RUNX1: variants seen among roughly 807,000 people sequenced by gnomAD.
RUNX1 encodes RUNX family transcription factor 1, also known as runt-related transcription factor 1.
Under a neutral mutation model 42.8 loss-of-function variants are expected in RUNX1, and 19 were observed. The ratio of observed to expected loss-of-function variants is 0.44; its 90% CI spans 0.31 to 0.65. The LOEUF (loss-of-function observed/expected upper bound fraction) is 0.65. RUNX1 is among the 30% of genes least tolerant of loss of function. The pLI, the probability that RUNX1 is intolerant of heterozygous loss-of-function variation, is 0.07. For missense variants in RUNX1, 528 were observed against 672.0 expected (o/e 0.79, Z 2.37); for synonymous variants, 271 against 289.4 (o/e 0.94, Z 0.64).
chr21:34,792,166 C>G lies in RUNX1; in HGVS notation c.1412G>C (p.Arg471Pro). The G allele has an allele frequency of 6.6e-7, 1 of 1,519,560 alleles. No individual in the cohort carries two copies. Among genetic ancestry groups the G allele is most frequent in the Non-Finnish European group, 8.8e-7 (1 of 1,140,622 alleles). The allele number at this position is 1,519,560 out of a possible 1,614,324, so 94.1% of individuals were successfully genotyped here. ...GGGCCTCCACACGGCCTCCTCCAGG[C>G]GCGCGGAGGGCGCCATGTTGGTGGG... is the stretch of plus-strand genomic sequence containing the variant. The part of the protein sequence containing the change: ...NSPTNMAPSA[R>P]LEEAVWRPY Residue 471 changes from arginine to proline, a missense_variant, in exon 9 of 9, where the codon CGC becomes CCC. Around this residue, in one of 3 missense-constraint regions of RUNX1, gnomAD observed 331 missense variants for 382.5 expected, o/e 0.87. Transcript: ENST00000675419. The surrounding 1 kb of genome is among the most constrained non-coding windows in gnomAD (Gnocchi z 6.9).
At position 34,805,899 on chromosome 21, in the gene RUNX1, AGTG is replaced by A. The variant is rs1311505487; in HGVS notation, c.806-6440_806-6438del. 2.6e-5 allele frequency among the ~76,000 whole-genome samples: 4 copies of A among 152,216 alleles called. No individual in the cohort carries two copies. The East Asian group carries it at 7.7e-4, about 29-fold the overall frequency. Reference sequence around the variant, plus strand: ...GTAATGATATAAACAGGAAGGAAGAAGTGGTAGTTATTTGATGCTAGATGTAGA... The same window carrying A: ...GTAATGATATAAACAGGAAGGAAGAAGTAGTTATTTGATGCTAGATGTAGA... On this transcript the variant is annotated intron_variant, in intron 7 of 8. Coordinates refer to ENST00000675419, the MANE Select transcript of RUNX1 (RefSeq NM_001754.5).
intron 5 of RUNX1, among the ~76,000 whole-genome samples, chr21:34,872,408 T>C (rs899563587): frequency 1.3e-5 from 2 of 152,180 alleles, no homozygotes; most frequent in Non-Finnish European, 2.9e-5. Flanking sequence ...CCACTGCACA[T>C]CCCTGACCCA....
intron 5 of RUNX1, among the ~76,000 whole-genome samples, chr21:34,878,346 A>G (rs2057845778): frequency 1.1e-5 from 1 of 94,182 alleles, no homozygotes; most frequent in Non-Finnish European, 2.0e-5. Context: ...GCGCTGACTA[A>G]AAAAAAAAAA....
At chr21:34,856,245 T>C (rs989910174) in intron 6 of RUNX1, 5 of 444,388 alleles carry the variant, frequency 1.1e-5, no homozygotes, top group African/African-American at 1.0e-4. Context: ...GAATGGCAGT[T>C]TGTCCCTCCA....
intron 5 of RUNX1, among the ~76,000 whole-genome samples, chr21:34,875,188 T>C (rs577077506): frequency 8.0e-4 from 122 of 152,396 alleles, no homozygotes; most frequent in African/African-American, 2.8e-3. Context: ...CTTTTCCTGC[T>C]GGTCCTTGCC....
intron 6 of RUNX1, among the ~76,000 whole-genome samples, chr21:34,849,010 C>T (rs1226265441): frequency 6.6e-6 from 1 of 151,124 alleles, no homozygotes; most frequent in Non-Finnish European, 1.5e-5. Flanking sequence ...AAAACAAATA[C>T]AAAATCAAAC....
intron 6 of RUNX1, among the ~76,000 whole-genome samples, chr21:34,852,966 G>A (rs2057443696): frequency 6.6e-6 from 1 of 152,202 alleles, no homozygotes; most frequent in Admixed American, 6.5e-5. Flanking sequence ...AGCAAAGAGT[G>A]ACACATCTTT....
intron 7 of RUNX1, chr21:34,834,043 G>C (rs936580751): frequency 1.2e-5 from 5 of 427,684 alleles, no homozygotes; most frequent in Non-Finnish European, 1.8e-5. Flanking sequence ...GTGTCTGCGT[G>C]TGTGTCTTCA....
chr21:34,827,987 TG>T lies in RUNX1; in HGVS notation c.805+6422del, dbSNP rs201551907. On this transcript the variant is annotated intron_variant, in intron 7 of 8. Coordinates refer to ENST00000675419, the MANE Select transcript of RUNX1 (RefSeq NM_001754.5). ...TGCCACAAAGAGTCCCCACTAAGGCTGTGCCTAATGGAGACACAGAATTGGG... is the reference window on the plus strand; with the variant it reads ...TGCCACAAAGAGTCCCCACTAAGGCTTGCCTAATGGAGACACAGAATTGGG... Among the ~76,000 whole-genome samples the T allele has an allele frequency of 1.4e-4, 21 of 152,374 alleles. No homozygotes were observed. The East Asian group carries it at 3.9e-3, about 28-fold the overall frequency.
intron 3 of RUNX1, chr21:34,887,592 T>C (rs763365303): frequency 7.3e-4 from 800 of 1,101,672 alleles, no homozygotes; most frequent in South Asian, 9.2e-4. Context: ...CAGAACACAA[T>C]TATCTCCCGT....
At chr21:34,896,745 G>A (rs945435927) in intron 2 of RUNX1, among the ~76,000 whole-genome samples, 4 of 152,054 alleles carry the variant, frequency 2.6e-5, no homozygotes, top group African/African-American at 9.7e-5. Context: ...TGGCCCAAAG[G>A]CCACAAAGGG....
At chr21:34,896,819 T>C (rs1393775146) in intron 2 of RUNX1, among the ~76,000 whole-genome samples, 1 of 152,100 alleles carries the variant, frequency 6.6e-6, no homozygotes, top group Admixed American at 6.5e-5. Context: ...GAGAGTGCCA[T>C]GTAACCTTTG....
intron 2 of RUNX1, among the ~76,000 whole-genome samples, chr21:34,971,411 A>G (rs1178811803): frequency 6.6e-6 from 1 of 152,170 alleles, no homozygotes; most frequent in African/African-American, 2.4e-5. Flanking sequence ...TAATCACTCT[A>G]AAGAATGATA....
At chr21:34,889,144 T>A (rs2058043504) in intron 3 of RUNX1, among the ~76,000 whole-genome samples, 1 of 770 alleles carries the variant, frequency 1.3e-3, no homozygotes, top group Admixed American at 0.013. Context: ...GCCACGAGGC[T>A]CCCGAACCGG....
intron 2 of RUNX1, among the ~76,000 whole-genome samples, chr21:34,926,736 A>G (rs995312687): frequency 2.0e-5 from 3 of 152,112 alleles, no homozygotes; most frequent in Non-Finnish European, 4.4e-5. Context: ...ACATAATGCA[A>G]TAAGAACTGA....
At position 34,789,075 on chromosome 21, in the gene RUNX1, A is replaced by G. The variant is rs76478380; in HGVS notation, c.*3060T>C. Reference sequence around the variant, plus strand: ...ACTCACTGATTGTGATTTGCCCAGGAAAGTTTGCTGGTTTGGACAGCAAGC... The same window carrying G: ...ACTCACTGATTGTGATTTGCCCAGGGAAGTTTGCTGGTTTGGACAGCAAGC... On this transcript the variant is annotated 3_prime_UTR_variant, in exon 9 of 9. Coordinates refer to ENST00000675419, the MANE Select transcript of RUNX1 (RefSeq NM_001754.5). The G allele has an allele frequency of 7.6e-3, 1,771 of 233,294 alleles. 27 individuals carry two copies. The highest frequency in any genetic ancestry group is 0.029 in the Admixed American group (522 of 17,794). The allele number at this position is 233,294 out of a possible 1,614,324, so 14.5% of individuals were successfully genotyped here.
chr21:34,898,852 T>C (rs2146477499), intron 2 of RUNX1, among the ~76,000 whole-genome samples: 1 of 152,344 alleles, frequency 6.6e-6, no homozygotes, highest in Non-Finnish European at 1.5e-5. Flanking sequence ...CTCCCAGTGT[T>C]GCCACTGCCG....
At chr21:34,885,751 CT>C (rs1020924291) in intron 4 of RUNX1, among the ~76,000 whole-genome samples, 4 of 151,690 alleles carry the variant, frequency 2.6e-5, no homozygotes, top group Non-Finnish European at 4.4e-5. Context: ...ATTATTTAAA[CT>C]TTTTTTTTAG....
chr21:34,894,539 C>T (rs969779363), intron 2 of RUNX1, among the ~76,000 whole-genome samples: 7 of 152,044 alleles, frequency 4.6e-5, no homozygotes, highest in African/African-American at 1.7e-4. Flanking sequence ...GAAGTAGCAC[C>T]TGTGGAGGTT....
Sources: gnomAD v4.1 joint callset for allele counts (sites outside exome capture counted in the v4.1 genomes callset) on GRCh38, gnomAD v4.1.1 for gene constraint, gnomAD v4.1.1 regional missense constraint, Gnocchi (gnomAD v3.1) non-coding constraint, MANE v1.5 for transcripts, NCBI Gene and HGNC (gene_info 2026-07-23, HGNC 2026-07-21) for gene names.